The following SYNE1 variants were observed in gnomAD, a reference collection of about 807,000 sequenced individuals.
The protein encoded by SYNE1 is nesprin-1.
SYNE1 carries 616 observed loss-of-function variants against 1,111.0 expected under a neutral mutation model. The ratio of observed to expected loss-of-function variants is 0.55; its 90% CI spans 0.52 to 0.59. The LOEUF (loss-of-function observed/expected upper bound fraction) is 0.59, where lower values mean the gene tolerates loss of function less well. Among genes scored for constraint, SYNE1 ranks in the 20% least tolerant of loss-of-function variants. The probability of loss-of-function intolerance (pLI) is 0.00; values close to 1 mark genes in which losing one functional copy is unlikely to be tolerated. For missense variants in SYNE1, 10,006 were observed against 10,417.0 expected (o/e 0.96, Z 1.72); for synonymous variants, 3,855 against 3,825.8 (o/e 1.01, Z -0.28).
At chr6:152,450,061 C>T (rs1192905040) in intron 27 of SYNE1, among the ~76,000 whole-genome samples, 2 of 152,182 alleles carry the variant, frequency 1.3e-5, no homozygotes, top group East Asian at 3.9e-4. Flanking sequence ...TTCCATAATC[C>T]CCACATGTCA....
intron 131 of SYNE1, among the ~76,000 whole-genome samples, chr6:152,156,640 T>A (rs1189600636): frequency 1.3e-5 from 2 of 152,230 alleles, no homozygotes; most frequent in Non-Finnish European, 2.9e-5. Context: ...GTTCTTATAC[T>A]GTATTGTTTA....
intron 95 of SYNE1, among the ~76,000 whole-genome samples, chr6:152,293,227 G>T (rs1222538609): frequency 6.6e-6 from 1 of 152,194 alleles, no homozygotes; most frequent in Non-Finnish European, 1.5e-5. Flanking sequence ...TAGATTTGGA[G>T]TATATTTTAT....
chr6:152,566,985 CTGTG>C (rs59526151), intron 3 of SYNE1, among the ~76,000 whole-genome samples: 12,348 of 146,506 alleles, frequency 0.084, 1,031 homozygotes, highest in African/African-American at 0.22. Context: ...TCTTCACATA[CTGTG>C]TGTGTGTGTG....
intron 96 of SYNE1, among the ~76,000 whole-genome samples, chr6:152,282,360 G>A (rs569717420): frequency 1.4e-4 from 21 of 152,308 alleles, no homozygotes; most frequent in Middle Eastern, 3.4e-3. Context: ...GGGAAGAGTA[G>A]GGAGTGATGG....
chr6:152,301,680 G>C (rs2095174409), intron 92 of SYNE1, among the ~76,000 whole-genome samples, 189 bp downstream of exon 92: 1 of 152,218 alleles, frequency 6.6e-6, no homozygotes, highest in African/African-American at 2.4e-5. Flanking sequence ...CATTTTAACT[G>C]TCATTGTTTA....
At chr6:152,373,558 G>A (rs2097225547) in intron 58 of SYNE1, among the ~76,000 whole-genome samples, 1 of 152,154 alleles carries the variant, frequency 6.6e-6, no homozygotes, top group African/African-American at 2.4e-5. Context: ...GGGATTACAG[G>A]CGTGAGCCAC....
intron 100 of SYNE1, among the ~76,000 whole-genome samples, chr6:152,265,962 A>G (rs570600570): frequency 5.3e-5 from 8 of 152,216 alleles, no homozygotes; most frequent in Admixed American, 2.6e-4. Flanking sequence ...AGGTTTATAT[A>G]TATATACATA....
At chr6:152,629,315 A>T (rs1252916153) in intron 2 of SYNE1, among the ~76,000 whole-genome samples, 1 of 151,628 alleles carries the variant, frequency 6.6e-6, no homozygotes, top group Non-Finnish European at 1.5e-5. Flanking sequence ...AGCAATTCTC[A>T]TGCCTCAGCC....
chr6:152,419,732 C>A lies in SYNE1; in HGVS notation c.5268-10G>T. 5.0e-6 allele frequency: 8 copies of A among 1,613,630 alleles called. No homozygotes were observed. The highest frequency in any genetic ancestry group is 6.8e-6 in the Non-Finnish European group (8 of 1,179,732). On this transcript the variant is annotated splice_polypyrimidine_tract_variant and intron_variant, in intron 39 of 145. Transcript: ENST00000367255. ...CTGAAGAAAATTAATCCTATGTAGACAAAGTATTAAAGTTAAAATGTCCCA... is the reference window on the plus strand; with the variant it reads ...CTGAAGAAAATTAATCCTATGTAGAAAAAGTATTAAAGTTAAAATGTCCCA...
intron 121 of SYNE1, among the ~76,000 whole-genome samples, chr6:152,216,027 C>A (rs757162382): frequency 2.0e-5 from 3 of 152,136 alleles, no homozygotes; most frequent in Non-Finnish European, 4.4e-5. Flanking sequence ...ACAATGTTGT[C>A]GGTTCTGATT....
At chr6:152,287,856 C>A (rs1460416578) in intron 95 of SYNE1, among the ~76,000 whole-genome samples, 1 of 152,140 alleles carries the variant, frequency 6.6e-6, no homozygotes, top group African/African-American at 2.4e-5. Context: ...CTGCAGTATA[C>A]TTTAGAATTA....
intron 140 of SYNE1, among the ~76,000 whole-genome samples, chr6:152,139,234 T>C (rs1202748248): frequency 6.6e-6 from 1 of 152,192 alleles, no homozygotes; most frequent in Non-Finnish European, 1.5e-5. Flanking sequence ...CTTATTTACA[T>C]GGTGTATAGT....
At chr6:152,624,034 T>C (rs2099681193) in intron 3 of SYNE1, among the ~76,000 whole-genome samples, 2 of 152,162 alleles carry the variant, frequency 1.3e-5, no homozygotes, top group African/African-American at 4.8e-5. Flanking sequence ...GAGGAGATTG[T>C]GATTACTTTA....
intron 127 of SYNE1, among the ~76,000 whole-genome samples, chr6:152,195,430 T>C (rs1192864409): frequency 6.6e-6 from 1 of 152,236 alleles, no homozygotes; most frequent in Non-Finnish European, 1.5e-5. Context: ...TATTTACCCT[T>C]CTTAGGAAGG....
intron 128 of SYNE1, among the ~76,000 whole-genome samples, chr6:152,184,012 T>C (rs2068919324): frequency 1.3e-5 from 2 of 152,218 alleles, no homozygotes; most frequent in South Asian, 4.1e-4. Context: ...CATTTGGAAA[T>C]TATTCTTATG....
Position 152,176,829 on chromosome 6 carries a change from A to C in SYNE1, c.23461-269T>G, listed in dbSNP as rs75300464. 0.05 allele frequency among the ~76,000 whole-genome samples: 7,640 copies of C among 152,248 alleles called. 218 individuals carry two copies. The highest frequency in any genetic ancestry group is 0.095 in the Middle Eastern group (28 of 294). On this transcript the variant is annotated intron_variant, in intron 129 of 145. Coordinates refer to ENST00000367255, the MANE Select transcript of SYNE1 (RefSeq NM_182961.4). ...TATTTACTTGAAATACATATTAAAA[A>C]ACAATAAAAGATAGATATAAAAAAT...
intron 3 of SYNE1, among the ~76,000 whole-genome samples, chr6:152,566,115 G>A (rs1209925298): frequency 2.0e-5 from 3 of 152,058 alleles, no homozygotes; most frequent in South Asian, 4.1e-4. Context: ...GGAAAAACAG[G>A]GGAAGAAGAA....
intron 131 of SYNE1, among the ~76,000 whole-genome samples, chr6:152,162,764 A>G (rs2062790794): frequency 6.6e-6 from 1 of 152,252 alleles, no homozygotes; most frequent in South Asian, 2.1e-4. Flanking sequence ...ATAAATGTTT[A>G]AAGTGATAGA....
In SYNE1 at chr6:152,418,149, G is replaced by A. The variant is rs141784706; in HGVS notation, c.5422-1134C>T. On this transcript the variant is annotated intron_variant, in intron 40 of 145. Transcript: ENST00000367255. ...GATCCTGACCTTTTCTTTTTTCTTA[G>A]AGCATTTACTTTAGAAAACTTGTAA... Among the ~76,000 whole-genome samples the A allele has an allele frequency of 2.1e-3, 327 of 152,174 alleles. 2 individuals carry two copies. Among genetic ancestry groups the A allele is most frequent in the African/African-American group, 7.6e-3 (314 of 41,532 alleles).
Sources: allele counts gnomAD v4.1 joint callset (sites outside exome capture counted in the v4.1 genomes callset), GRCh38; gene constraint gnomAD v4.1.1; transcripts MANE v1.5; gene names NCBI Gene and HGNC (gene_info 2026-07-23, HGNC 2026-07-21).